The following MGAT5B variants were observed in gnomAD, a reference collection of about 807,000 sequenced individuals.
MGAT5B encodes the protein alpha-1,6-mannosylglycoprotein 6-beta-N-acetylglucosaminyltransferase B.
In MGAT5B, 54 loss-of-function variants were observed where a neutral mutation model predicts 95.1. The observed-to-expected ratio is 0.57, with a 90% CI of 0.46 to 0.71. The LOEUF (loss-of-function observed/expected upper bound fraction) is 0.71. Ranked by LOEUF, MGAT5B falls within the 30% of genes least tolerant of loss-of-function variation. The pLI is 0.00. For synonymous variants in MGAT5B, 464 were observed against 451.0 expected (o/e 1.03, Z -0.36); for missense variants, 935 against 1,088.6 (o/e 0.86, Z 1.99).
In MGAT5B at chr17:76,868,472, G is replaced by A. The variant is rs1966881934; in HGVS notation, c.-558G>A. On this transcript the variant is annotated 5_prime_UTR_variant, in exon 1 of 18. Coordinates refer to ENST00000569840, the MANE Select transcript of MGAT5B (RefSeq NM_001199172.2). The surrounding 1 kb of genome is among the most constrained non-coding windows in gnomAD (Gnocchi z 6.3). ...TAGCGTCGCGCGGGGCCGGACGCCGGACACCAGAGCGCGGGCGGCGGAGCC... is the reference window on the plus strand; with the variant it reads ...TAGCGTCGCGCGGGGCCGGACGCCGAACACCAGAGCGCGGGCGGCGGAGCC... 6.6e-6 allele frequency: 1 copy of A among 150,508 alleles called. No individual in the cohort carries two copies. Among genetic ancestry groups the A allele is most frequent in the South Asian group, 2.0e-4 (1 of 5,066 alleles). 9.3% of individuals were successfully genotyped at this position (150,508 alleles called of 1,614,324 possible). A position where few individuals can be genotyped will look rare whatever the true frequency, so the allele number is the denominator to read the frequency against.
rs1030480152 is a variant in MGAT5B, at chr17:76,917,473, A to G, written c.1026-7493A>G. ...CATTTTGAGATTATTTAGGATCACA[A>G]AACACTATCCTATATCACCACCTGC... On this transcript the variant is annotated intron_variant, in intron 8 of 17. Transcript: ENST00000569840. The surrounding 1 kb of genome is among the most constrained non-coding windows in gnomAD (Gnocchi z 6.1). Among the ~76,000 whole-genome samples the G allele has an allele frequency of 2.0e-5, 3 of 152,052 alleles. No individual in the cohort carries two copies. The highest frequency in any genetic ancestry group is 7.2e-5 in the African/African-American group (3 of 41,380).
chr17:76,904,222 G>A, intron 5 of MGAT5B, 30 bp from the exon 6 acceptor site: 1 of 1,581,432 alleles, frequency 6.3e-7, no homozygotes. Context: ...GGCTGGCGCA[G>A]CCCCCTGCCC....
chr17:76,910,910 T>G (rs1411475227), intron 8 of MGAT5B, among the ~76,000 whole-genome samples: 1 of 152,150 alleles, frequency 6.6e-6, no homozygotes, highest in Non-Finnish European at 1.5e-5. Context: ...AGGAAGGTGA[T>G]TTCTAAATCT....
At position 76,873,887 on chromosome 17, in the gene MGAT5B, C is replaced by G. The variant is rs112318459; in HGVS notation, c.181+924C>G. Among the ~76,000 whole-genome samples the G allele has an allele frequency of 1.5e-3, 229 of 152,290 alleles. 1 individual carries two copies. The highest frequency in any genetic ancestry group is 5.3e-3 in the African/African-American group (221 of 41,556). Reference sequence around the variant, plus strand: ...GAAGTCTCTCCTTGAAGTCCACCTTCTTGAACTTGCAGGGCTTGGCTTTCT... The same window carrying G: ...GAAGTCTCTCCTTGAAGTCCACCTTGTTGAACTTGCAGGGCTTGGCTTTCT... On this transcript the variant is annotated intron_variant, in intron 2 of 17. Transcript: ENST00000569840.
Position 76,898,336 on chromosome 17 carries a change from T to A in MGAT5B, c.330-4219T>A, listed in dbSNP as rs182363632. On this transcript the variant is annotated intron_variant, in intron 3 of 17. Coordinates refer to ENST00000569840, the MANE Select transcript of MGAT5B (RefSeq NM_001199172.2). ...CACAGAGTACATAATCTTTTTATTT[T>A]TTTTTTTTTTTGAGACAGAGTCTTG... Among the ~76,000 whole-genome samples, 152 of 151,150 alleles carry A rather than the reference T, an allele frequency of 1.0e-3. 2 individuals are homozygous for A. Among genetic ancestry groups the A allele is most frequent in the South Asian group, 8.9e-3 (42 of 4,718 alleles).
chr17:76,873,826 AG>A (rs2145114265), intron 2 of MGAT5B, among the ~76,000 whole-genome samples: 1 of 152,294 alleles, frequency 6.6e-6, no homozygotes, highest in South Asian at 2.1e-4. Context: ...GAACTGTTCG[AG>A]GGTTGGCTCT....
chr17:76,932,571 G>C, intron 10 of MGAT5B, 74 bp from the exon 11 acceptor site: 1 of 1,594,968 alleles, frequency 6.3e-7, no homozygotes, highest in East Asian at 2.3e-5. Flanking sequence ...CTCTTGGGCG[G>C]GGCAGTCCAG....
At chr17:76,909,670 C>A (rs774621191) in intron 8 of MGAT5B, among the ~76,000 whole-genome samples, 1 of 152,136 alleles carries the variant, frequency 6.6e-6, no homozygotes, top group South Asian at 2.1e-4. Flanking sequence ...TCAGAGTCTG[C>A]CAGTAACTCA....
rs1275978429 is a variant in MGAT5B at position 76,914,539 on chromosome 17, C to G, written c.1025+8352C>G. Among the ~76,000 whole-genome samples, 1 of 152,198 alleles carries G rather than the reference C, an allele frequency of 6.6e-6. No homozygotes were observed. The highest frequency in any genetic ancestry group is 1.5e-5 in the Non-Finnish European group (1 of 68,040). Reference sequence around the variant, plus strand: ...GCGTCAGTCCCAGCCTCTCCCCTGTCTTCTGGTAGCCGCAGGTGTTCTTAG... The same window carrying G: ...GCGTCAGTCCCAGCCTCTCCCCTGTGTTCTGGTAGCCGCAGGTGTTCTTAG... On this transcript the variant is annotated intron_variant, in intron 8 of 17. Coordinates refer to ENST00000569840, the MANE Select transcript of MGAT5B (RefSeq NM_001199172.2). The surrounding 1 kb of genome is among the most constrained non-coding windows in gnomAD (Gnocchi z 5.1).
chr17:76,944,310 G>T (rs1411591929), intron 15 of MGAT5B: 2 of 152,226 alleles, frequency 1.3e-5, no homozygotes, highest in Non-Finnish European at 2.9e-5. Flanking sequence ...TTGTGACAAG[G>T]GCTTACAGAC....
rs113533138 is a variant in MGAT5B, at chr17:76,894,885, CA to C, written c.330-7661del. On this transcript the variant is annotated intron_variant, in intron 3 of 17. Coordinates refer to ENST00000569840, the MANE Select transcript of MGAT5B (RefSeq NM_001199172.2). ...AAAAAGAAAAAAAGAAAAAAAAAGG[CA>C]AAAAAAAAGAACAGATTTTAAATGG... is the stretch of plus-strand genomic sequence containing the variant. Among the ~76,000 whole-genome samples the C allele has an allele frequency of 6.3e-3, 939 of 149,098 alleles. 17 individuals are homozygous for C. The highest frequency in any genetic ancestry group is 0.022 in the African/African-American group (887 of 40,532).
At position 76,932,779 on chromosome 17, in the gene MGAT5B, A is replaced by G. The variant is rs972691782; in HGVS notation, c.1422+4A>G. The G allele has an allele frequency of 3.7e-6, 6 of 1,613,126 alleles. No individual in the cohort carries two copies. The highest frequency in any genetic ancestry group is 3.4e-6 in the Non-Finnish European group (4 of 1,179,750). On this transcript the variant is annotated splice_donor_region_variant and intron_variant, in intron 11 of 17. Coordinates refer to ENST00000569840, the MANE Select transcript of MGAT5B (RefSeq NM_001199172.2). The stretch of plus-strand genomic sequence containing the variant: ...CAAGGAGGCGAGCATCTGGAAGGTG[A>G]GCGCGGCCCCTGCGCGCGGGAAGCA...
Position 76,885,857 on chromosome 17 carries a change from C to G in MGAT5B, c.329+3559C>G, listed in dbSNP as rs146719653. Among the ~76,000 whole-genome samples the G allele has an allele frequency of 2.0e-5, 3 of 152,156 alleles. 1 individual carries two copies. Among genetic ancestry groups the G allele is most frequent in the Admixed American group, 2.0e-4 (3 of 15,282 alleles). On this transcript the variant is annotated intron_variant, in intron 3 of 17. Coordinates refer to ENST00000569840, the MANE Select transcript of MGAT5B (RefSeq NM_001199172.2). ...CAGGTTAACCAACCTGCAGCTAGAC[C>G]GGCAAGAATCCTGCAGGAGTGCCTG...
chr17:76,919,669 G>A lies in MGAT5B; in HGVS notation c.1026-5297G>A, dbSNP rs1395161678. Among the ~76,000 whole-genome samples, 8 of 152,310 alleles carry A rather than the reference G, an allele frequency of 5.3e-5. No homozygotes were observed. The East Asian group carries it at 1.5e-3, about 29-fold the overall frequency. On this transcript the variant is annotated intron_variant, in intron 8 of 17. Coordinates refer to ENST00000569840, the MANE Select transcript of MGAT5B (RefSeq NM_001199172.2). Reference sequence around the variant, plus strand: ...TGGTCTCAAACTGCTGGACTCAAGCGATCCTCCCACCTAGGCCACCTAAAG... The same window carrying A: ...TGGTCTCAAACTGCTGGACTCAAGCAATCCTCCCACCTAGGCCACCTAAAG...
At chr17:76,929,702 A>G (rs1198961367) in intron 10 of MGAT5B, among the ~76,000 whole-genome samples, 2 of 152,212 alleles carry the variant, frequency 1.3e-5, no homozygotes, top group Admixed American at 1.3e-4. Flanking sequence ...GAGTCCAGGA[A>G]GGAAGTCATG....
chr17:76,932,564 T>A, intron 10 of MGAT5B, 81 bp from the exon 11 acceptor site: 3 of 1,524,038 alleles, frequency 2.0e-6, no homozygotes, highest in Non-Finnish European at 2.7e-6. Context: ...AGAGGACCTC[T>A]TGGGCGGGGC....
rs111901748 is a variant in MGAT5B, at chr17:76,895,383, A to T, written c.330-7172A>T. On this transcript the variant is annotated intron_variant, in intron 3 of 17. Coordinates refer to ENST00000569840, the MANE Select transcript of MGAT5B (RefSeq NM_001199172.2). ...AATATACTTGAATCATCCTGAAACC[A>T]TCCCCACTGCCCCTCTCCCTGGGTC... Among the ~76,000 whole-genome samples the T allele has an allele frequency of 6.3e-3, 963 of 152,222 alleles. 18 individuals carry two copies. Among genetic ancestry groups the T allele is most frequent in the African/African-American group, 0.022 (914 of 41,498 alleles).
At position 76,932,760 on chromosome 17, in the gene MGAT5B, G is replaced by A. The variant is rs1655426764; in HGVS notation, c.1407G>A (p.Glu469=). 1 of 1,613,712 alleles carries A rather than the reference G, an allele frequency of 6.2e-7. No individual in the cohort carries two copies. ...ACATGGCCGTGGTGTACGGCAAGGA[G>A]GCGAGCATCTGGAAGGTGAGCGCGG... ...ASNMAVVYGK[E]ASIWKLQGKE... The change falls in exon 11 of 18, where the codon GAG becomes GAA. Residue 469 remains glutamate, a synonymous_variant. Coordinates refer to ENST00000569840, the MANE Select transcript of MGAT5B (RefSeq NM_001199172.2).
At chr17:76,941,711 T>C (rs1969866840) in intron 15 of MGAT5B, among the ~76,000 whole-genome samples, 1 of 152,148 alleles carries the variant, frequency 6.6e-6, no homozygotes, top group Non-Finnish European at 1.5e-5. Flanking sequence ...CTGTCTGAGA[T>C]TGGATTCCTC....
Sources: allele counts gnomAD v4.1 joint callset (sites outside exome capture counted in the v4.1 genomes callset), GRCh38; gene constraint gnomAD v4.1.1; non-coding constraint Gnocchi (gnomAD v3.1); transcripts MANE v1.5; gene names NCBI Gene and HGNC (gene_info 2026-07-23, HGNC 2026-07-21).